NME7: variants seen among roughly 807,000 people sequenced by gnomAD.
The protein encoded by NME7 is nucleoside diphosphate kinase 7.
Under a neutral mutation model 49.1 loss-of-function variants are expected in NME7, and 41 were observed. The observed-to-expected ratio is 0.83, with a 90% CI of 0.65 to 1.08. The LOEUF (loss-of-function observed/expected upper bound fraction) is 1.08. NME7 is among the 50% of genes least tolerant of loss of function. The pLI, the probability that NME7 is intolerant of heterozygous loss-of-function variation, is 0.00. For synonymous variants in NME7, 139 were observed against 150.6 expected, an observed-to-expected ratio of 0.92 and a Z score of 0.56; for missense variants, 423 against 463.4, an observed-to-expected ratio of 0.91 and a Z score of 0.80.
At chr1:169,237,095 A>C (rs1571314875) in intron 8 of NME7, among the ~76,000 whole-genome samples, 1 of 152,218 alleles carries the variant, frequency 6.6e-6, no homozygotes, top group Non-Finnish European at 1.5e-5. Flanking sequence ...AATTTTGAAC[A>C]AGCGTGGGCT....
chr1:169,347,754 C>T (rs908422571), intron 1 of NME7, among the ~76,000 whole-genome samples: 1 of 152,138 alleles, frequency 6.6e-6, no homozygotes, highest in Non-Finnish European at 1.5e-5. Context: ...TTCCTGAGAA[C>T]ACTTTACTGC....
At chr1:169,355,100 TAG>T (rs1284262046) in intron 1 of NME7, among the ~76,000 whole-genome samples, 1 of 54,934 alleles carries the variant, frequency 1.8e-5, no homozygotes, top group African/African-American at 7.8e-5. Context: ...CTATATATTA[TAG>T]ATATAATATA....
intron 10 of NME7, among the ~76,000 whole-genome samples, chr1:169,184,887 C>A (rs953619030): frequency 6.6e-6 from 1 of 152,110 alleles, no homozygotes; most frequent in African/African-American, 2.4e-5. Flanking sequence ...CCTACCAAGG[C>A]AGAGCATAGA....
At chr1:169,278,166 T>C (rs1464291739) in intron 7 of NME7, among the ~76,000 whole-genome samples, 4 of 150,570 alleles carry the variant, frequency 2.7e-5, no homozygotes, top group Non-Finnish European at 5.9e-5. Flanking sequence ...TTATATGTCT[T>C]GGAGTTGCTC....
chr1:169,286,545 C>G (rs1369303999), intron 7 of NME7: 1 of 152,008 alleles, frequency 6.6e-6, no homozygotes. Flanking sequence ...AACTCTTTCT[C>G]TTTATATATG....
At chr1:169,221,672 T>C (rs933197438) in intron 10 of NME7, among the ~76,000 whole-genome samples, 4 of 151,558 alleles carry the variant, frequency 2.6e-5, no homozygotes, top group African/African-American at 4.8e-5. Context: ...CAGTAGAATA[T>C]ATAAATATAT....
rs113320387 is a variant in NME7, at chr1:169,168,412, T to C, written c.1098+1035A>G. ...CCATGGGTAACACTATCACACTGTA[T>C]ATTAGACTCCTTCCCCGCCTTTTTT... On this transcript the variant is annotated intron_variant, in intron 11 of 11. Coordinates refer to ENST00000367811, the MANE Select transcript of NME7 (RefSeq NM_013330.5). 5.9e-3 allele frequency among the ~76,000 whole-genome samples: 856 copies of C among 145,570 alleles called. 8 individuals are homozygous for C. Among genetic ancestry groups the C allele is most frequent in the African/African-American group, 0.02 (819 of 40,404 alleles).
chr1:169,230,167 A>G (rs1273942218), intron 10 of NME7, among the ~76,000 whole-genome samples: 1 of 152,094 alleles, frequency 6.6e-6, no homozygotes, highest in Non-Finnish European at 1.5e-5. Flanking sequence ...TAGCGTTCTA[A>G]TGCTACTTCT....
At chr1:169,282,601 C>T (rs955629931) in intron 7 of NME7, among the ~76,000 whole-genome samples, 9 of 152,114 alleles carry the variant, frequency 5.9e-5, no homozygotes, top group Admixed American at 1.3e-4. Flanking sequence ...TATAATTTTC[C>T]ATCTAAAGAC....
chr1:169,340,296 G>T (rs4454599), intron 1 of NME7, among the ~76,000 whole-genome samples: 1 of 151,916 alleles, frequency 6.6e-6, no homozygotes, highest in Non-Finnish European at 1.5e-5. Context: ...TCCCCTGCAC[G>T]TTCTCTCTCC....
intron 4 of NME7, among the ~76,000 whole-genome samples, chr1:169,305,002 T>G (rs1651118136): frequency 6.6e-6 from 1 of 152,082 alleles, no homozygotes. Flanking sequence ...AAAACTGAAC[T>G]ACAAGAAAGG....
intron 10 of NME7, among the ~76,000 whole-genome samples, chr1:169,205,122 G>A (rs1320551848): frequency 6.6e-6 from 1 of 152,058 alleles, no homozygotes; most frequent in Non-Finnish European, 1.5e-5. Flanking sequence ...AGGATAAACT[G>A]ACAATGTAAT....
At chr1:169,212,501 AATGAGTACTC>A (rs1333187213) in intron 10 of NME7, among the ~76,000 whole-genome samples, 3 of 144,650 alleles carry the variant, frequency 2.1e-5, no homozygotes, top group African/African-American at 4.9e-5. Flanking sequence ...GAGTCACTCA[AATGAGTACTC>A]ATGAGTACTC....
At chr1:169,211,071 A>G (rs114020881) in intron 10 of NME7, among the ~76,000 whole-genome samples, 48 of 152,018 alleles carry the variant, frequency 3.2e-4, no homozygotes, top group African/African-American at 1.1e-3. Context: ...AACATATCTC[A>G]TGTTTTCCCT....
At chr1:169,203,704 T>C (rs1660606816) in intron 10 of NME7, among the ~76,000 whole-genome samples, 2 of 152,004 alleles carry the variant, frequency 1.3e-5, no homozygotes, top group Non-Finnish European at 2.9e-5. Context: ...AGGGCAGCAA[T>C]GGTTTATATG....
rs190909613 is a variant in NME7, at chr1:169,279,168, G to A, written c.754+8135C>T. Reference sequence around the variant, plus strand: ...ACCCACTTGAGGAGGCAGTCTGCCCGTTCTCAGATCTCCCCCTGGGTGCTG... The same window carrying A: ...ACCCACTTGAGGAGGCAGTCTGCCCATTCTCAGATCTCCCCCTGGGTGCTG... On this transcript the variant is annotated intron_variant, in intron 7 of 11. Coordinates refer to ENST00000367811, the MANE Select transcript of NME7 (RefSeq NM_013330.5). 7.1e-3 allele frequency among the ~76,000 whole-genome samples: 1,076 copies of A among 152,218 alleles called. 14 individuals carry two copies. Among genetic ancestry groups the A allele is most frequent in the African/African-American group, 0.025 (1,025 of 41,526 alleles).
intron 7 of NME7, among the ~76,000 whole-genome samples, chr1:169,275,478 C>CAAAAAAAA (rs57449323): frequency 3.3e-5 from 1 of 29,872 alleles, no homozygotes; most frequent in African/African-American, 9.7e-5. Context: ...AACTCCGTCT[C>CAAAAAAAA]AAAAAAAAAA....
chr1:169,205,780 G>C (rs563160268), intron 10 of NME7, among the ~76,000 whole-genome samples: 20 of 152,176 alleles, frequency 1.3e-4, no homozygotes, highest in Middle Eastern at 3.4e-3. Flanking sequence ...ACTCTGCAAT[G>C]GTCCCCTTCT....
chr1:169,342,874 T>C (rs1387867328), intron 1 of NME7, among the ~76,000 whole-genome samples: 1 of 91,124 alleles, frequency 1.1e-5, no homozygotes, highest in African/African-American at 3.5e-5. Context: ...AGTACATATA[T>C]ATAGTATATA....
Sources: gnomAD v4.1 joint callset for allele counts (sites outside exome capture counted in the v4.1 genomes callset) on GRCh38, gnomAD v4.1.1 for gene constraint, MANE v1.5 for transcripts, NCBI Gene and HGNC (gene_info 2026-07-23, HGNC 2026-07-21) for gene names.